The following NOTCH2NLA variants were observed in gnomAD, a reference collection of about 807,000 sequenced individuals.
NOTCH2NLA encodes notch 2 N-terminal like A.
chr1:146,210,623 A>G (rs1288225353), intron 1 of NOTCH2NLA, among the ~76,000 whole-genome samples: 7 of 103,148 alleles, frequency 6.8e-5, no homozygotes, highest in Non-Finnish European at 1.1e-4. Context: ...ACACACACAC[A>G]CGCACACACA....
chr1:146,159,411 G>GAAAGAAAGAAAGAAAGAAAGAAAT (rs1661359545), intron 3 of NOTCH2NLA, among the ~76,000 whole-genome samples: 2 of 146,232 alleles, frequency 1.4e-5, no homozygotes, highest in African/African-American at 5.1e-5. Context: ...AAGAAAGAAA[G>GAAAGAAAGAAAGAAAGAAAGAAAT]AAAGAAAGAA....
chr1:146,159,211 A>G lies in NOTCH2NLA; in HGVS notation c.299-2396T>C, dbSNP rs10910782. Among the ~76,000 whole-genome samples, 4 of 151,676 alleles carry G rather than the reference A, an allele frequency of 2.6e-5. No homozygotes were observed. The East Asian group carries it at 7.8e-4, about 30-fold the overall frequency. ...CATCTTTTCTAAAAATACAAAAATT[A>G]GCCGGGCTTCATAGCGCATGCCTGT... On this transcript the variant is annotated intron_variant, in intron 3 of 4. Coordinates refer to ENST00000362074, the Ensembl canonical transcript of NOTCH2NLA.
At chr1:146,174,400 CTTTTTTTT>C (rs1209878010) in intron 2 of NOTCH2NLA, among the ~76,000 whole-genome samples, 2 of 95,810 alleles carry the variant, frequency 2.1e-5, no homozygotes, top group African/African-American at 8.1e-5. Context: ...CTGTCTTTAG[CTTTTTTTT>C]TTTTTTTTTT....
At chr1:146,207,815 CTTTTTTT>C (rs74543040) in intron 1 of NOTCH2NLA, among the ~76,000 whole-genome samples, 4 of 72,238 alleles carry the variant, frequency 5.5e-5, no homozygotes, top group African/African-American at 1.1e-4. Context: ...ATACCACTTT[CTTTTTTT>C]TTTTTTTTTT....
chr1:146,158,117 C>T (rs1553803281), intron 3 of NOTCH2NLA, among the ~76,000 whole-genome samples: 3 of 151,788 alleles, frequency 2.0e-5, no homozygotes, highest in African/African-American at 7.3e-5. Context: ...TGTCATTAGT[C>T]TAAGTCGCTT....
At chr1:146,224,189 G>GA (rs1309623972) in intron 1 of NOTCH2NLA, among the ~76,000 whole-genome samples, 3 of 115,166 alleles carry the variant, frequency 2.6e-5, no homozygotes, top group Non-Finnish European at 3.6e-5. Flanking sequence ...CCAACTCAAT[G>GA]AAAAAAATCT....
At chr1:146,184,858 G>A in intron 2 of NOTCH2NLA, among the ~76,000 whole-genome samples, 1 of 83,290 alleles carries the variant, frequency 1.2e-5, no homozygotes, top group South Asian at 4.1e-4. Context: ...ACTAAGATTT[G>A]TGTCATCGGA....
intron 2 of NOTCH2NLA, among the ~76,000 whole-genome samples, chr1:146,179,559 TGAA>T (rs1340806157): frequency 7.0e-6 from 1 of 143,142 alleles, no homozygotes; most frequent in African/African-American, 2.4e-5. Context: ...GCAATCAAGA[TGAA>T]GAAAACGTTT....
At chr1:146,186,352 TTTTC>T (rs1662762313) in intron 2 of NOTCH2NLA, among the ~76,000 whole-genome samples, 1 of 73,080 alleles carries the variant, frequency 1.4e-5, no homozygotes, top group African/African-American at 2.8e-5. Context: ...GGCAGCTCCA[TTTTC>T]TTTTTTTTTT....
At chr1:146,205,324 AATAAGCTTTACTT>A (rs1663557605) in intron 1 of NOTCH2NLA, among the ~76,000 whole-genome samples, 1 of 31,732 alleles carries the variant, frequency 3.2e-5, no homozygotes, top group African/African-American at 8.4e-5. Flanking sequence ...AAAAACATAT[AATAAGCTTTACTT>A]AGAGTTAACA....
chr1:146,159,397 A>AAGAAAGAG (rs1559370865), intron 3 of NOTCH2NLA, among the ~76,000 whole-genome samples: 1 of 87,284 alleles, frequency 1.1e-5, no homozygotes, highest in Non-Finnish European at 2.4e-5. Context: ...AAGAGAGAGA[A>AAGAAAGAG]AGAAAGAAAG....
rs1310745380 is a variant in NOTCH2NLA, at chr1:146,183,520, T to C, written c.38+5780A>G. On this transcript the variant is annotated intron_variant, in intron 2 of 4. Coordinates refer to ENST00000362074, the Ensembl canonical transcript of NOTCH2NLA. ...TGGAAAACTGGCCAAGCTTCTGCTA[T>C]CATTTTCCAGAAAAACTATACACAC... Among the ~76,000 whole-genome samples the C allele has an allele frequency of 5.9e-5, 7 of 119,238 alleles. 3 individuals are homozygous for C. The highest frequency in any genetic ancestry group is 4.6e-4 in the Admixed American group (5 of 10,914). 78.2% of individuals were successfully genotyped at this position (119,238 alleles called of 152,430 possible). A position where few individuals can be genotyped will look rare whatever the true frequency, so the allele number is the denominator to read the frequency against.
At chr1:146,180,350 GTCTT>G (rs1355975854) in intron 2 of NOTCH2NLA, among the ~76,000 whole-genome samples, 1 of 138,632 alleles carries the variant, frequency 7.2e-6, no homozygotes, top group African/African-American at 2.6e-5. Context: ...CTTAAATAAT[GTCTT>G]TCTTAGTCTT....
At chr1:146,180,102 A>G (rs1165139229) in intron 2 of NOTCH2NLA, among the ~76,000 whole-genome samples, 3 of 142,974 alleles carry the variant, frequency 2.1e-5, no homozygotes, top group African/African-American at 7.3e-5. Flanking sequence ...TGAGGATTCT[A>G]TAGCGCTTCA....
In NOTCH2NLA at chr1:146,187,928, C is replaced by T. The variant is rs587739964; in HGVS notation, c.38+1372G>A. 2.2e-5 allele frequency among the ~76,000 whole-genome samples: 3 copies of T among 135,998 alleles called. 1 individual carries two copies. The East Asian group carries it at 6.1e-4, about 28-fold the overall frequency. The allele number at this position is 135,998 out of a possible 152,430, so 89.2% of individuals were successfully genotyped here. A position where few individuals can be genotyped will look rare whatever the true frequency, so the allele number is the denominator to read the frequency against. On this transcript the variant is annotated intron_variant, in intron 2 of 4. Coordinates refer to ENST00000362074, the Ensembl canonical transcript of NOTCH2NLA. Reference sequence around the variant, plus strand: ...CTTTATTTCCAATGTTATCTTTATTCCAATCCAAACAACCTATTGTTAAGC... The same window carrying T: ...CTTTATTTCCAATGTTATCTTTATTTCAATCCAAACAACCTATTGTTAAGC...
In NOTCH2NLA at chr1:146,187,732, C is replaced by T. The variant is rs1449715320; in HGVS notation, c.38+1568G>A. 2.9e-5 allele frequency among the ~76,000 whole-genome samples: 4 copies of T among 135,756 alleles called. 2 individuals are homozygous for T. The highest frequency in any genetic ancestry group is 5.0e-5 in the African/African-American group (2 of 39,986). 89.1% of individuals were successfully genotyped at this position (135,756 alleles called of 152,430 possible). A position where few individuals can be genotyped will look rare whatever the true frequency, so the allele number is the denominator to read the frequency against. On this transcript the variant is annotated intron_variant, in intron 2 of 4. Transcript: ENST00000362074. ...CAGAATAAAGCAAGCAACTAACGCA[C>T]CAAATGCCACAAAAAGACTAAACAA...
chr1:146,159,116 G>C (rs1303494420), intron 3 of NOTCH2NLA, among the ~76,000 whole-genome samples: 4 of 152,156 alleles, frequency 2.6e-5, no homozygotes, highest in African/African-American at 9.6e-5. Flanking sequence ...CCAGCACTTT[G>C]GGAGGCTGAG....
At chr1:146,152,880 GT>G (rs879950049), downstream of NOTCH2NLA, 4 of 151,102 alleles carry the variant, frequency 2.6e-5, no homozygotes, top group East Asian at 5.8e-4. Flanking sequence ...AGTCATTTTT[GT>G]AGTTTTAATT....
chr1:146,154,030 CA>C (rs1661022248), downstream of NOTCH2NLA: 1 of 117,692 alleles, frequency 8.5e-6, no homozygotes, highest in African/African-American at 3.4e-5. Context: ...CACACACACA[CA>C]CACACACACA....
Sources: allele counts gnomAD v4.1 joint callset (sites outside exome capture counted in the v4.1 genomes callset), GRCh38; gene constraint gnomAD v4.1.1; transcripts MANE v1.5; gene names NCBI Gene and HGNC (gene_info 2026-07-23, HGNC 2026-07-21).